FAM149B1: variants seen among roughly 807,000 people sequenced by gnomAD.
The protein encoded by FAM149B1 is family with sequence similarity 149 member B1, also known as primary cilium assembly protein FAM149B1.
A neutral mutation model predicts 75.3 loss-of-function variants in FAM149B1; 56 were observed. The ratio of observed to expected loss-of-function variants is 0.74; its 90% CI spans 0.60 to 0.93. The LOEUF (loss-of-function observed/expected upper bound fraction) is 0.93, where lower values mean the gene tolerates loss of function less well. Ranked by LOEUF, FAM149B1 falls within the 40% of genes least tolerant of loss-of-function variation. FAM149B1 has a pLI of 0.00. For synonymous variants in FAM149B1, 259 were observed against 256.1 expected (o/e 1.01, Z -0.11); for missense variants, 639 against 708.4 (o/e 0.90, Z 1.11).
At chr10:73,185,362 A>C (rs983927483) in intron 3 of FAM149B1, among the ~76,000 whole-genome samples, 4 of 152,204 alleles carry the variant, frequency 2.6e-5, no homozygotes, top group Non-Finnish European at 5.9e-5. Context: ...CAGCCTGAGC[A>C]ACATAGTGAG....
At position 73,242,075 on chromosome 10, in the gene FAM149B1, CTT is replaced by C. The variant is rs1395663802; in HGVS notation, c.*1060_*1061del. 1.3e-5 allele frequency: 2 copies of C among 152,088 alleles called. No individual in the cohort carries two copies. Among genetic ancestry groups the C allele is most frequent in the Admixed American group, 6.5e-5 (1 of 15,270 alleles). 9.4% of individuals were successfully genotyped at this position (152,088 alleles called of 1,614,324 possible). A position where few individuals can be genotyped will look rare whatever the true frequency, so the allele number is the denominator to read the frequency against. ...TTCAAATAATCATAAATTACGGTAA[CTT>C]TTTATTATACCAAGGTGTTCTAATG... On this transcript the variant is annotated 3_prime_UTR_variant, in exon 14 of 14. Transcript: ENST00000242505.
chr10:73,216,488 TG>T (rs113415272), intron 7 of FAM149B1, among the ~76,000 whole-genome samples: 15,999 of 152,236 alleles, frequency 0.11, 1,218 homozygotes, highest in East Asian at 0.31. Context: ...CTCTGTCTTT[TG>T]TCTTTGTGGT....
intron 3 of FAM149B1, among the ~76,000 whole-genome samples, chr10:73,187,495 C>T (rs920714819): frequency 4.0e-5 from 6 of 151,580 alleles, no homozygotes; most frequent in Non-Finnish European, 8.8e-5. Context: ...TTTGGGAGGC[C>T]GAGGTGGGCG....
At chr10:73,220,834 T>C (rs187276878) in intron 7 of FAM149B1, among the ~76,000 whole-genome samples, 2 of 152,294 alleles carry the variant, frequency 1.3e-5, no homozygotes, top group Non-Finnish European at 2.9e-5. Flanking sequence ...ACTTCTGGCC[T>C]CCAGAACTGT....
At chr10:73,229,869 A>AG (rs1464929040) in intron 8 of FAM149B1, among the ~76,000 whole-genome samples, 2 of 152,200 alleles carry the variant, frequency 1.3e-5, no homozygotes, top group Non-Finnish European at 2.9e-5. Context: ...GCAGGGCTCT[A>AG]GGGGGGCAAT....
chr10:73,183,860 T>C (rs769871799), intron 3 of FAM149B1, among the ~76,000 whole-genome samples: 2 of 152,232 alleles, frequency 1.3e-5, no homozygotes, highest in South Asian at 2.1e-4. Flanking sequence ...GAAGGCTCAG[T>C]AGGTTTGGAG....
At chr10:73,236,209 G>A (rs2043817863) in intron 12 of FAM149B1, among the ~76,000 whole-genome samples, 1 of 148,968 alleles carries the variant, frequency 6.7e-6, no homozygotes, top group Admixed American at 6.6e-5. Context: ...CTTAAGAAAT[G>A]ACCAAACAAC....
intron 3 of FAM149B1, among the ~76,000 whole-genome samples, chr10:73,186,467 A>G (rs1218777289): frequency 6.6e-6 from 1 of 152,198 alleles, no homozygotes; most frequent in Non-Finnish European, 1.5e-5. Flanking sequence ...TCTATTCAGC[A>G]TTGTATTGGA....
intron 7 of FAM149B1, among the ~76,000 whole-genome samples, chr10:73,218,910 T>C (rs2043350017): frequency 6.6e-6 from 1 of 152,174 alleles, no homozygotes; most frequent in Admixed American, 6.5e-5. Context: ...TAGGCCTCAC[T>C]TTCAACACAT....
intron 1 of FAM149B1, 93 bp from the exon 2 acceptor site, chr10:73,174,594 G>A (rs1484519964): frequency 1.1e-6 from 1 of 883,092 alleles, no homozygotes; most frequent in South Asian, 1.6e-5. Context: ...CAGTTCCAGA[G>A]CAGAGGAAGT....
intron 7 of FAM149B1, among the ~76,000 whole-genome samples, chr10:73,223,945 T>C (rs1315097505): frequency 3.3e-5 from 5 of 152,216 alleles, no homozygotes; most frequent in Non-Finnish European, 7.4e-5. Context: ...ACGTACCAGA[T>C]AAAATCTTAT....
chr10:73,239,290 T>C (rs1325574006), intron 12 of FAM149B1, 22 bp from the exon 13 acceptor site: 3 of 1,542,714 alleles, frequency 1.9e-6, no homozygotes, highest in East Asian at 2.4e-5. Flanking sequence ...TCATAAGAAG[T>C]GTCTCCTCTT....
chr10:73,213,651 T>G (rs1426045297), intron 7 of FAM149B1, among the ~76,000 whole-genome samples: 1 of 152,204 alleles, frequency 6.6e-6, no homozygotes, highest in Admixed American at 6.5e-5. Flanking sequence ...TGGCTTTATT[T>G]CTTGGTTTTC....
chr10:73,224,410 G>A (rs773098974), intron 7 of FAM149B1, among the ~76,000 whole-genome samples: 4 of 151,210 alleles, frequency 2.6e-5, no homozygotes, highest in Non-Finnish European at 5.9e-5. Flanking sequence ...ACAGTAGAAT[G>A]TGATATATTC....
chr10:73,191,383 C>G (rs2042680120), intron 3 of FAM149B1, among the ~76,000 whole-genome samples: 1 of 147,434 alleles, frequency 6.8e-6, no homozygotes, highest in Non-Finnish European at 1.5e-5. Context: ...GTTGCCCAGG[C>G]AGGAGTGCAA....
intron 7 of FAM149B1, among the ~76,000 whole-genome samples, chr10:73,218,795 G>A (rs144135903): frequency 2.3e-4 from 35 of 152,150 alleles, no homozygotes; most frequent in African/African-American, 7.7e-4. Context: ...TAGAGAGACC[G>A]AGAATTTTCA....
At chr10:73,188,707 A>C (rs2042592901) in intron 3 of FAM149B1, among the ~76,000 whole-genome samples, 1 of 150,192 alleles carries the variant, frequency 6.7e-6, no homozygotes, top group Non-Finnish European at 1.5e-5. Flanking sequence ...CCTGGGCGAC[A>C]GAGAGAGACT....
intron 3 of FAM149B1, among the ~76,000 whole-genome samples, chr10:73,179,158 T>G (rs2042333983): frequency 6.6e-6 from 1 of 151,948 alleles, no homozygotes; most frequent in African/African-American, 2.4e-5. Flanking sequence ...AGAGACAGGG[T>G]TTCACCATGT....
Position 73,241,442 on chromosome 10 carries a change from T to C in FAM149B1, c.*423T>C, listed in dbSNP as rs945396176. On this transcript the variant is annotated 3_prime_UTR_variant, in exon 14 of 14. Transcript: ENST00000242505. ...TCAGCCTGTGTTCATTTCTGGAGAG[T>C]TGTACTCAGTTTTAAGTCATTTTGC... 3 of 186,110 alleles carry C rather than the reference T, an allele frequency of 1.6e-5. No individual in the cohort carries two copies. Among genetic ancestry groups the C allele is most frequent in the East Asian group, 1.5e-4 (1 of 6,882 alleles). The allele number at this position is 186,110 out of a possible 1,614,324, so 11.5% of individuals were successfully genotyped here.
Sources: gnomAD v4.1 joint callset for allele counts (sites outside exome capture counted in the v4.1 genomes callset) on GRCh38, gnomAD v4.1.1 for gene constraint, MANE v1.5 for transcripts, NCBI Gene and HGNC (gene_info 2026-07-23, HGNC 2026-07-21) for gene names.